Variants in CEP112 observed in about 807,000 individuals in gnomAD.
The protein encoded by CEP112 is centrosomal protein 112, also known as centrosomal protein of 112 kDa.
A neutral mutation model predicts 153.0 loss-of-function variants in CEP112; 127 were observed. The observed-to-expected ratio is 0.83, with a 90% CI of 0.72 to 0.96. CEP112 has a LOEUF of 0.96. Among genes scored for constraint, CEP112 ranks in the 40% least tolerant of loss-of-function variants. CEP112 has a pLI of 0.00. For missense variants in CEP112, 1,089 were observed against 1,101.2 expected (o/e 0.99, Z 0.16); for synonymous variants, 358 against 374.4 (o/e 0.96, Z 0.51).
intron 1 of CEP112, among the ~76,000 whole-genome samples, chr17:66,188,556 C>G (rs1029291800): frequency 3.3e-5 from 5 of 149,768 alleles, no homozygotes; most frequent in African/African-American, 7.4e-5. Context: ...GTAAACTGTT[C>G]ACATCTGTGT....
chr17:65,990,050 T>A (rs2063541443), intron 17 of CEP112, among the ~76,000 whole-genome samples: 1 of 152,114 alleles, frequency 6.6e-6, no homozygotes, highest in African/African-American at 2.4e-5. Flanking sequence ...TAAAAAGCAA[T>A]TAATTAAAAC....
At chr17:65,684,264 T>G (rs965978231) in intron 24 of CEP112, among the ~76,000 whole-genome samples, 1 of 152,234 alleles carries the variant, frequency 6.6e-6, no homozygotes, top group African/African-American at 2.4e-5. Context: ...TGTGAAACAC[T>G]CAGCATTGTA....
At chr17:66,129,330 A>G (rs1284744719) in intron 6 of CEP112, among the ~76,000 whole-genome samples, 5 of 152,022 alleles carry the variant, frequency 3.3e-5, no homozygotes, top group African/African-American at 1.2e-4. Flanking sequence ...CAGCCTCTAT[A>G]AACTGTTTTC....
At chr17:66,123,960 G>A (rs1439513655) in intron 6 of CEP112, among the ~76,000 whole-genome samples, 2 of 152,088 alleles carry the variant, frequency 1.3e-5, no homozygotes, top group Non-Finnish European at 2.9e-5. Flanking sequence ...TTGTCTCAGT[G>A]GACAGTCAAC....
chr17:66,000,848 G>T (rs2064012978), intron 17 of CEP112, among the ~76,000 whole-genome samples: 1 of 152,230 alleles, frequency 6.6e-6, no homozygotes, highest in Non-Finnish European at 1.5e-5. Flanking sequence ...GGAACCCCAT[G>T]ATGGGGTCTT....
intron 1 of CEP112, among the ~76,000 whole-genome samples, chr17:66,186,754 G>A (rs1464533845): frequency 2.0e-5 from 3 of 152,172 alleles, no homozygotes; most frequent in African/African-American, 4.8e-5. Flanking sequence ...GAACCCTCAG[G>A]AGTCTTGCTA....
chr17:66,146,287 C>A (rs921107687), intron 4 of CEP112, among the ~76,000 whole-genome samples: 6 of 152,114 alleles, frequency 3.9e-5, no homozygotes, highest in African/African-American at 1.4e-4. Context: ...AATTCAATTT[C>A]TTTGGTATAT....
At chr17:65,847,183 C>T (rs2057759874) in intron 21 of CEP112, among the ~76,000 whole-genome samples, 5 of 152,124 alleles carry the variant, frequency 3.3e-5, no homozygotes, top group Admixed American at 3.3e-4. Flanking sequence ...TCCCTCCATT[C>T]TGGTTCATCT....
chr17:66,005,641 A>G, intron 17 of CEP112, 49 bp downstream of exon 17: 1 of 1,574,648 alleles, frequency 6.4e-7, no homozygotes, highest in African/African-American at 1.4e-5. Context: ...TTTGGCTCAC[A>G]GTTTAATAAA....
intron 20 of CEP112, among the ~76,000 whole-genome samples, chr17:65,875,251 T>C (rs2058786905): frequency 6.6e-6 from 1 of 152,016 alleles, no homozygotes; most frequent in East Asian, 1.9e-4. Context: ...TTGACACAAA[T>C]AGAAAAAGAA....
chr17:65,735,796 T>C (rs892866563), intron 23 of CEP112, among the ~76,000 whole-genome samples: 2 of 152,308 alleles, frequency 1.3e-5, no homozygotes, highest in Middle Eastern at 6.8e-3. Context: ...TGGAAAGTGA[T>C]ATCTTTGTGT....
chr17:65,831,606 T>A (rs1012286931), intron 21 of CEP112, among the ~76,000 whole-genome samples: 5 of 148,646 alleles, frequency 3.4e-5, no homozygotes, highest in Non-Finnish European at 7.4e-5. Flanking sequence ...CAAACATGGA[T>A]AGAAAACTAA....
intron 21 of CEP112, among the ~76,000 whole-genome samples, chr17:65,785,198 C>T (rs1456510486): frequency 6.6e-6 from 1 of 152,146 alleles, no homozygotes; most frequent in Non-Finnish European, 1.5e-5. Context: ...TGTGGATATA[C>T]CACATTTTGT....
chr17:65,905,842 G>A (rs1445291428), intron 19 of CEP112, among the ~76,000 whole-genome samples: 5 of 152,100 alleles, frequency 3.3e-5, no homozygotes, highest in Non-Finnish European at 7.4e-5. Flanking sequence ...CTACTTGGGA[G>A]GCTGACGCGG....
At chr17:65,993,926 G>A (rs192415425) in intron 17 of CEP112, among the ~76,000 whole-genome samples, 104 of 151,664 alleles carry the variant, frequency 6.9e-4, no homozygotes, top group African/African-American at 1.9e-3. Context: ...TTCAGTTTGT[G>A]TGCTTTTTGG....
chr17:66,025,008 G>T (rs2065142489), intron 16 of CEP112, among the ~76,000 whole-genome samples: 1 of 152,058 alleles, frequency 6.6e-6, no homozygotes, highest in Non-Finnish European at 1.5e-5. Flanking sequence ...AATGATCTTT[G>T]ACAAAGTCAA....
intron 1 of CEP112, among the ~76,000 whole-genome samples, chr17:66,187,823 T>C (rs1340864086): frequency 1.3e-5 from 2 of 152,214 alleles, no homozygotes; most frequent in Non-Finnish European, 2.9e-5. Flanking sequence ...CTGTTTATTA[T>C]CTAGATTTAT....
chr17:65,668,496 G>A (rs1344620394), intron 24 of CEP112, among the ~76,000 whole-genome samples: 1 of 152,142 alleles, frequency 6.6e-6, no homozygotes, highest in Non-Finnish European at 1.5e-5. Flanking sequence ...AAGATCTTCT[G>A]TTTGTAGTTA....
At chr17:65,904,226 C>T (rs1212709019) in intron 19 of CEP112, among the ~76,000 whole-genome samples, 1 of 152,196 alleles carries the variant, frequency 6.6e-6, no homozygotes, top group African/African-American at 2.4e-5. Flanking sequence ...CCCAAATCTC[C>T]TTAAGCTGAT....
Sources: gnomAD v4.1 joint callset for allele counts (sites outside exome capture counted in the v4.1 genomes callset) on GRCh38, gnomAD v4.1.1 for gene constraint, MANE v1.5 for transcripts, NCBI Gene and HGNC (gene_info 2026-07-23, HGNC 2026-07-21) for gene names.